The following SLC6A8 variants were observed in gnomAD, a reference collection of about 807,000 sequenced individuals.
The protein encoded by SLC6A8 is solute carrier family 6 member 8.
A neutral mutation model predicts 48.3 loss-of-function variants in SLC6A8; 6 were observed. The observed-to-expected ratio is 0.12, with a 90% CI of 0.07 to 0.25. The LOEUF (loss-of-function observed/expected upper bound fraction) is 0.25, where lower values mean the gene tolerates loss of function less well. Ranked by LOEUF, SLC6A8 falls within the 10% of genes least tolerant of loss-of-function variation. SLC6A8 has a pLI of 1.00. For synonymous variants in SLC6A8, 245 were observed against 244.0 expected (o/e 1.00, Z -0.04); for missense variants, 260 against 551.5 (o/e 0.47, Z 5.29).
intron 4 of SLC6A8, chrX:153,692,633 C>T (rs1255701037): frequency 1.8e-5 from 6 of 341,935 alleles, no homozygotes; most frequent in Non-Finnish European, 2.8e-5. Flanking sequence ...TCTCCACCTG[C>T]TCAACCCCCA....
rs1476752812 is a variant in SLC6A8, at chrX:153,696,190, G to C, written c.*976G>C. 1.2e-5 allele frequency: 3 copies of C among 249,382 alleles called. No individual in the cohort carries two copies. Among genetic ancestry groups the C allele is most frequent in the African/African-American group, 8.5e-5 (3 of 35,189 alleles). The allele number at this position is 249,382 out of a possible 1,213,427, so 20.6% of individuals were successfully genotyped here. A position where few individuals can be genotyped will look rare whatever the true frequency, so the allele number is the denominator to read the frequency against. ...TGGATTGGAAAAGTGCATGGTGGGG[G>C]CCTCGGGGCTGTCCCCACGCTGTCC... On this transcript the variant is annotated 3_prime_UTR_variant, in exon 13 of 13. Coordinates refer to ENST00000253122, the MANE Select transcript of SLC6A8 (RefSeq NM_005629.4).
rs1275030754 is a variant in SLC6A8, at chrX:153,696,122, A to T, written c.*908A>T. ...AAAGCTTCGAGCTGTTGCGTGTGTG[A>T]GTCTGTTGTGTGGATGTGCGTGTGT... On this transcript the variant is annotated 3_prime_UTR_variant, in exon 13 of 13. Transcript: ENST00000253122. 13 of 218,631 alleles carry T rather than the reference A, an allele frequency of 5.9e-5. No homozygotes were observed. Among genetic ancestry groups the T allele is most frequent in the Non-Finnish European group, 1.0e-4 (12 of 117,236 alleles). The allele number at this position is 218,631 out of a possible 1,213,427, so 18.0% of individuals were successfully genotyped here.
rs2091486267 is a variant in SLC6A8, at chrX:153,695,574, C to T, written c.*360C>T. 8.3e-6 allele frequency: 2 copies of T among 242,203 alleles called. No homozygotes were observed. Among genetic ancestry groups the T allele is most frequent in the Admixed American group, 6.1e-5 (1 of 16,383 alleles). 20.0% of individuals were successfully genotyped at this position (242,203 alleles called of 1,213,427 possible). ...CTCTGCAGCACACCCGTGGGTGACC[C>T]CTCACCCCAGAAGCAGCAGTGGCAG... On this transcript the variant is annotated 3_prime_UTR_variant, in exon 13 of 13. Transcript: ENST00000253122.
At position 153,688,655 on chromosome X, in the gene SLC6A8, C is replaced by A; in HGVS notation, c.81C>A (p.Pro27=). ...EKKGPLIAPG[P]DGAPAKGDGP... Reference sequence around the variant, plus strand: ...AGGGCCCCCTCATCGCGCCCGGGCCCGACGGGGCCCCGGCCAAGGGCGACG... The same window carrying A: ...AGGGCCCCCTCATCGCGCCCGGGCCAGACGGGGCCCCGGCCAAGGGCGACG... Residue 27 remains proline, a synonymous_variant, in exon 1 of 13, where the codon CCC becomes CCA. Transcript: ENST00000253122. The A allele has an allele frequency of 9.2e-7, 1 of 1,081,950 alleles. No homozygotes were observed. The allele number at this position is 1,081,950 out of a possible 1,213,427, so 89.2% of individuals were successfully genotyped here.
chrX:153,691,624 G>C, intron 3 of SLC6A8, 71 bp downstream of exon 3: 1 of 1,147,271 alleles, frequency 8.7e-7, no homozygotes, highest in African/African-American at 1.8e-5. Context: ...GGCTCCAGGG[G>C]AGTGGCCCTG....
rs1557044406 is a variant in SLC6A8 at position 153,691,315 on chromosome X, G to A, written c.406G>A (p.Ala136Thr). 2 of 1,202,406 alleles carry A rather than the reference G, an allele frequency of 1.7e-6. No homozygotes were observed. Among genetic ancestry groups the A allele is most frequent in the Non-Finnish European group, 2.2e-6 (2 of 891,004 alleles). ...ICPLFKGLGY[A>T]SMVIVFYCNT... ...CTTCCCGGCCCCAGGCCTGGGCTACGCCTCCATGGTGATCGTCTTCTACTG... is the reference window on the plus strand; with the variant it reads ...CTTCCCGGCCCCAGGCCTGGGCTACACCTCCATGGTGATCGTCTTCTACTG... The change falls in exon 3 of 13, where the codon GCC (alanine) becomes ACC (threonine). Residue 136 changes from alanine to threonine, a missense_variant. Ala to Thr is a moderately conservative substitution (Grantham distance 58, BLOSUM62 0). This residue lies in a region of SLC6A8 where 75 missense variants were observed against 248.8 expected (regional missense o/e 0.30). Transcript: ENST00000253122.
In SLC6A8 at chrX:153,695,001, G is replaced by A. The variant is rs1227310081; in HGVS notation, c.1768-73G>A. On this transcript the variant is annotated intron_variant, in intron 12 of 12. Transcript: ENST00000253122. Reference sequence around the variant, plus strand: ...AGGGTGGCAGGCAGTGGGAACCGGAGAGAGGCAGAGGAAGTCACCGTGGGG... The same window carrying A: ...AGGGTGGCAGGCAGTGGGAACCGGAAAGAGGCAGAGGAAGTCACCGTGGGG... The A allele has an allele frequency of 7.0e-6, 8 of 1,150,407 alleles. No individual in the cohort carries two copies. In the African/African-American group the frequency reaches 1.4e-4, roughly 21 times the overall value. 94.8% of individuals were successfully genotyped at this position (1,150,407 alleles called of 1,213,427 possible).
rs782632898 is a variant in SLC6A8 at position 153,692,799 on chromosome X, G to A, written c.778-242G>A. On this transcript the variant is annotated intron_variant, in intron 4 of 12. Transcript: ENST00000253122. ...CACTGAGGAGAGCTCCCAGAGGCTC[G>A]CCTGCTCCCCACCGACACGCGTCCC... is the stretch of plus-strand genomic sequence containing the variant. The A allele has an allele frequency of 6.7e-5, 32 of 474,700 alleles. No homozygotes were observed. The South Asian group carries it at 7.1e-4, about 11-fold the overall frequency. The allele number at this position is 474,700 out of a possible 1,213,427, so 39.1% of individuals were successfully genotyped here.
At position 153,693,301 on chromosome X, in the gene SLC6A8, C is replaced by T. The variant is rs371516458; in HGVS notation, c.951C>T (p.Tyr317=). 1.5e-5 allele frequency: 18 copies of T among 1,211,421 alleles called. No homozygotes were observed. The highest frequency in any genetic ancestry group is 1.9e-5 in the Non-Finnish European group (17 of 895,122). Residue 317 remains tyrosine, a synonymous_variant, in exon 6 of 13, where the codon TAC becomes TAT. Coordinates refer to ENST00000253122, the MANE Select transcript of SLC6A8 (RefSeq NM_005629.4). The part of the protein sequence containing the change: ...IDAGTQIFFS[Y]AIGLGALTAL... ...CGGGGACCCAGATTTTCTTTTCTTA[C>T]GCCATTGGCCTGGGGGCCCTCACAG...
chrX:153,695,777 C>T lies in SLC6A8; in HGVS notation c.*563C>T, dbSNP rs145908010. ...CAGCAATGGAACCTTCTGGTTCCTG[C>T]GCCAATCGCCACCAGTATCAATTGT... On this transcript the variant is annotated 3_prime_UTR_variant, in exon 13 of 13. Transcript: ENST00000253122. 146 of 141,212 alleles carry T rather than the reference C, an allele frequency of 1.0e-3. 2 individuals are homozygous for T. In the East Asian group the frequency reaches 0.026, roughly 25 times the overall value. The allele number at this position is 141,212 out of a possible 1,213,427, so 11.6% of individuals were successfully genotyped here.
In SLC6A8 at chrX:153,691,076, C is replaced by T. The variant is rs782265325; in HGVS notation, c.395-228C>T. On this transcript the variant is annotated intron_variant, in intron 2 of 12. Coordinates refer to ENST00000253122, the MANE Select transcript of SLC6A8 (RefSeq NM_005629.4). ...AGATGGGGACAGGAGGAGAGGGGCT[C>T]GCTCTGCCTTGGGTCTAGGGGGCGG... 57 of 413,711 alleles carry T rather than the reference C, an allele frequency of 1.4e-4. No individual in the cohort carries two copies. The East Asian group carries it at 2.3e-3, about 17-fold the overall frequency. The allele number at this position is 413,711 out of a possible 1,213,427, so 34.1% of individuals were successfully genotyped here. A position where few individuals can be genotyped will look rare whatever the true frequency, so the allele number is the denominator to read the frequency against.
intron 4 of SLC6A8, chrX:153,692,734 T>G: frequency 2.5e-6 from 1 of 402,744 alleles, no homozygotes; most frequent in Non-Finnish European, 4.6e-6. Flanking sequence ...CACACACTCA[T>G]ACAGCTCTCA....
chrX:153,695,268 C>T lies in SLC6A8; in HGVS notation c.*54C>T, dbSNP rs1475144283. 2 of 1,128,804 alleles carry T rather than the reference C, an allele frequency of 1.8e-6. No homozygotes were observed. Among genetic ancestry groups the T allele is most frequent in the Non-Finnish European group, 2.4e-6 (2 of 837,359 alleles). The allele number at this position is 1,128,804 out of a possible 1,213,427, so 93.0% of individuals were successfully genotyped here. ...CTGGTAGCCATAGCAGCCCCTGCTT[C>T]AGCCCCACCGCACCCCTCCAGGGGG... is the stretch of plus-strand genomic sequence containing the variant. On this transcript the variant is annotated 3_prime_UTR_variant, in exon 13 of 13. Transcript: ENST00000253122.
rs373130978 is a variant in SLC6A8, at chrX:153,694,766, C to T, written c.1644C>T (p.Asn548=). ...TGTACTACGAGCCGCTGGTCTACAA[C>T]AACACCTACGTGTACCCGTGGTGGG... ...NVVYYEPLVY[N]NTYVYPWWGE... is the part of the protein sequence containing the mutation. The change falls in exon 12 of 13, where the codon AAC becomes AAT. Residue 548 remains asparagine (N), a synonymous_variant. Transcript: ENST00000253122. 5.0e-6 allele frequency: 6 copies of T among 1,209,669 alleles called. No homozygotes were observed. The highest frequency in any genetic ancestry group is 1.8e-5 in the South Asian group (1 of 56,863).
intron 4 of SLC6A8, chrX:153,692,385 G>A (rs1426049460): frequency 7.3e-6 from 3 of 413,151 alleles, no homozygotes; most frequent in African/African-American, 4.9e-5. Flanking sequence ...ACAGTCTGGT[G>A]GACCTGGTCT....
intron 7 of SLC6A8, 94 bp downstream of exon 7, chrX:153,693,680 C>A: frequency 9.7e-7 from 1 of 1,029,533 alleles, no homozygotes; most frequent in Non-Finnish European, 1.4e-6. Flanking sequence ...TGAAAAGTGA[C>A]GAGGATTCAA....
rs1557043794 is a variant in SLC6A8, at chrX:153,688,664, C to T, written c.90C>T (p.Ala30=). The part of the protein sequence containing the change: ...GPLIAPGPDG[A]PAKGDGPVGL... Reference sequence around the variant, plus strand: ...TCATCGCGCCCGGGCCCGACGGGGCCCCGGCCAAGGGCGACGGCCCCGTGG... The same window carrying T: ...TCATCGCGCCCGGGCCCGACGGGGCTCCGGCCAAGGGCGACGGCCCCGTGG... Residue 30 remains alanine (A), a synonymous_variant, in exon 1 of 13, where the codon GCC becomes GCT. Coordinates refer to ENST00000253122, the MANE Select transcript of SLC6A8 (RefSeq NM_005629.4). 4 of 1,084,679 alleles carry T rather than the reference C, an allele frequency of 3.7e-6. No individual in the cohort carries two copies. The South Asian group carries it at 8.7e-5, about 24-fold the overall frequency. 89.4% of individuals were successfully genotyped at this position (1,084,679 alleles called of 1,213,427 possible).
chrX:153,694,086 G>T, intron 8 of SLC6A8, 44 bp from the exon 9 acceptor site: 5 of 1,206,168 alleles, frequency 4.1e-6, no homozygotes, highest in Non-Finnish European at 5.6e-6. Flanking sequence ...AAGGAAAGGG[G>T]TGGAGGGCGG....
chrX:153,694,528 C>T lies in SLC6A8; in HGVS notation c.1496-5C>T, dbSNP rs200695210. 1.0e-3 allele frequency: 1,202 copies of T among 1,205,694 alleles called. 4 individuals are homozygous for T. In the African/African-American group the frequency reaches 0.015, roughly 16 times the overall value. ...GCTTGGCCCTCCCGCCTCACCTCGC[C>T]GCAGGAGCTGACCGCTTCATGGACG... On this transcript the variant is annotated splice_polypyrimidine_tract_variant and splice_region_variant and intron_variant, in intron 10 of 12. Coordinates refer to ENST00000253122, the MANE Select transcript of SLC6A8 (RefSeq NM_005629.4).
Sources: gnomAD v4.1 joint callset for allele counts on GRCh38, gnomAD v4.1.1 for gene constraint, gnomAD v4.1.1 regional missense constraint, MANE v1.5 for transcripts, NCBI Gene and HGNC (gene_info 2026-07-23, HGNC 2026-07-21) for gene names.